Variants in SLC26A5 observed in about 807,000 individuals in gnomAD.
SLC26A5 encodes prestin.
In SLC26A5, 51 loss-of-function variants were observed where a neutral mutation model predicts 81.0. The ratio of observed to expected loss-of-function variants is 0.63; its 90% CI spans 0.50 to 0.80. The LOEUF is 0.80. Ranked by LOEUF, SLC26A5 falls within the 30% of genes least tolerant of loss-of-function variation. The probability of loss-of-function intolerance (pLI) is 0.00; values close to 1 mark genes in which losing one functional copy is unlikely to be tolerated. For synonymous variants in SLC26A5, 325 were observed against 332.8 expected (o/e 0.98, Z 0.25); for missense variants, 771 against 905.8 (o/e 0.85, Z 1.91).
chr7:103,431,168 A>T (rs924462461), intron 2 of SLC26A5, among the ~76,000 whole-genome samples: 3 of 152,232 alleles, frequency 2.0e-5, no homozygotes, highest in Non-Finnish European at 4.4e-5. Flanking sequence ...TGAAAGAAGA[A>T]GCTACTGGTT....
intron 14 of SLC26A5, among the ~76,000 whole-genome samples, chr7:103,382,910 T>C (rs939000033): frequency 6.6e-5 from 10 of 152,196 alleles, no homozygotes; most frequent in Admixed American, 5.9e-4. Context: ...GGTCTTTGAT[T>C]TGACATTCCA....
intron 2 of SLC26A5, among the ~76,000 whole-genome samples, chr7:103,436,396 A>G (rs903478994): frequency 7.9e-5 from 12 of 152,286 alleles, no homozygotes; most frequent in Non-Finnish European, 1.8e-4. Context: ...ATTTTGTTAC[A>G]TGCTTCACAT....
intron 19 of SLC26A5, 84 bp from the exon 20 acceptor site, chr7:103,374,676 GTTT>G: frequency 1.1e-6 from 1 of 877,910 alleles, no homozygotes; most frequent in Non-Finnish European, 1.6e-6. Context: ...TCCATATAGT[GTTT>G]TTTTTTTTGT....
At chr7:103,353,308 C>T (rs1305285142) in intron 19 of SLC26A5, among the ~76,000 whole-genome samples, 3 of 151,708 alleles carry the variant, frequency 2.0e-5, no homozygotes, top group African/African-American at 7.3e-5. Flanking sequence ...ATTGTATTTC[C>T]TTTTCTTTTT....
chr7:103,400,178 C>G (rs112871175), intron 8 of SLC26A5, among the ~76,000 whole-genome samples: 2,401 of 151,066 alleles, frequency 0.016, 48 homozygotes, highest in Non-Finnish European at 0.024. Flanking sequence ...CTAATTTACA[C>G]TCCCACCAAC....
Position 103,410,415 on chromosome 7 carries a change from CTTTGT to C in SLC26A5, c.700_704del (p.Thr234AlafsTer11). On this transcript the variant is annotated frameshift_variant, in exon 7 of 20. Transcript: ENST00000306312. LOFTEE classifies it high-confidence loss of function. The stretch of plus-strand genomic sequence containing the variant: ...CCACGGAAAAGATTCCACTGTACCG[CTTTGT>C]TTTAACTCCAAACAGATATTTTAAC... 2 of 1,614,118 alleles carry C rather than the reference CTTTGT, an allele frequency of 1.2e-6. No homozygotes were observed. The highest frequency in any genetic ancestry group is 2.2e-5 in the South Asian group (2 of 91,082).
In SLC26A5 at chr7:103,443,180, G is replaced by C. The variant is rs1827005134; in HGVS notation, c.-151C>G. The C allele has an allele frequency of 6.6e-6, 1 of 152,226 alleles. No homozygotes were observed. The highest frequency in any genetic ancestry group is 2.4e-5 in the African/African-American group (1 of 41,428). 9.4% of individuals were successfully genotyped at this position (152,226 alleles called of 1,614,324 possible). A position where few individuals can be genotyped will look rare whatever the true frequency, so the allele number is the denominator to read the frequency against. Reference sequence around the variant, plus strand: ...CTGAAGCCTTGATCACTGAGGCTGAGAGCAGGAGAAGGGAGAGCTCGCTCC... The same window carrying C: ...CTGAAGCCTTGATCACTGAGGCTGACAGCAGGAGAAGGGAGAGCTCGCTCC... On this transcript the variant is annotated 5_prime_UTR_variant, in exon 2 of 20. Coordinates refer to ENST00000306312, the MANE Select transcript of SLC26A5 (RefSeq NM_198999.3).
intron 2 of SLC26A5, among the ~76,000 whole-genome samples, chr7:103,434,509 A>G (rs1826306651): frequency 6.6e-6 from 1 of 151,874 alleles, no homozygotes; most frequent in South Asian, 2.1e-4. Flanking sequence ...TTAATTGTCA[A>G]TTTCTTACCT....
intron 7 of SLC26A5, among the ~76,000 whole-genome samples, chr7:103,409,909 T>G (rs111648751): frequency 8.5e-5 from 13 of 152,168 alleles, no homozygotes; most frequent in African/African-American, 3.1e-4. Flanking sequence ...GGGGTTTCAC[T>G]TGTTAGCCAG....
chr7:103,421,883 A>G (rs975094398), intron 2 of SLC26A5, among the ~76,000 whole-genome samples: 11 of 152,242 alleles, frequency 7.2e-5, no homozygotes, highest in African/African-American at 2.7e-4. Flanking sequence ...AATTAGGTCA[A>G]TTTTGACCAG....
At chr7:103,362,216 A>C in intron 19 of SLC26A5, 1 of 1,481,246 alleles carries the variant, frequency 6.8e-7, no homozygotes, top group Admixed American at 2.9e-5. Flanking sequence ...CTAGTAATGT[A>C]CTATAGTTGA....
rs761061429 is a variant in SLC26A5, at chr7:103,379,114, T to C, written c.1677+129A>G. On this transcript the variant is annotated intron_variant, in intron 16 of 19. Coordinates refer to ENST00000306312, the MANE Select transcript of SLC26A5 (RefSeq NM_198999.3). Reference sequence around the variant, plus strand: ...TAGTATATTTTATGTTATGTATATTTTACTACAATAAAAGAGAGAGAAACA... The same window carrying C: ...TAGTATATTTTATGTTATGTATATTCTACTACAATAAAAGAGAGAGAAACA... 4.0e-4 allele frequency: 287 copies of C among 714,106 alleles called. 2 individuals carry two copies. Among genetic ancestry groups the C allele is most frequent in the South Asian group, 1.2e-3 (73 of 63,058 alleles). The allele number at this position is 714,106 out of a possible 1,614,324, so 44.2% of individuals were successfully genotyped here. A position where few individuals can be genotyped will look rare whatever the true frequency, so the allele number is the denominator to read the frequency against.
chr7:103,363,678 GCA>G (rs1328060494), intron 19 of SLC26A5, among the ~76,000 whole-genome samples: 1 of 152,088 alleles, frequency 6.6e-6, no homozygotes, highest in Non-Finnish European at 1.5e-5. Context: ...GACAGAGGAG[GCA>G]CAGTGTAACC....
At chr7:103,371,444 C>G (rs1821031460), downstream of SLC26A5, among the ~76,000 whole-genome samples, 1 of 151,058 alleles carries the variant, frequency 6.6e-6, no homozygotes, top group South Asian at 2.1e-4. Flanking sequence ...CCTGCCTCAG[C>G]CTCCCGAGTA....
chr7:103,439,696 C>A (rs73175869), intron 2 of SLC26A5, among the ~76,000 whole-genome samples: 1 of 152,066 alleles, frequency 6.6e-6, no homozygotes, highest in Non-Finnish European at 1.5e-5. Context: ...ACCATGCCCA[C>A]CTAATTTTTG....
intron 11 of SLC26A5, among the ~76,000 whole-genome samples, chr7:103,390,865 C>CT (rs532219107): frequency 0.053 from 7,097 of 134,600 alleles, 272 homozygotes; most frequent in South Asian, 0.12. Flanking sequence ...TGGCCATTTA[C>CT]TTTTTTTTTT....
chr7:103,409,884 A>G (rs1824344948), intron 7 of SLC26A5, among the ~76,000 whole-genome samples: 2 of 151,608 alleles, frequency 1.3e-5, no homozygotes, highest in Middle Eastern at 3.2e-3. Flanking sequence ...ATTTTTTTCT[A>G]TTTTTAGTAG....
chr7:103,380,375 C>T, intron 15 of SLC26A5, 105 bp downstream of exon 15: 1 of 888,712 alleles, frequency 1.1e-6, no homozygotes, highest in Non-Finnish European at 1.9e-6. Context: ...ACTTTGACCA[C>T]TATACCTCCC....
Position 103,374,221 on chromosome 7 carries a change from A to G in SLC26A5, c.*178T>C, listed in dbSNP as rs1821177748. On this transcript the variant is annotated 3_prime_UTR_variant, in exon 20 of 20. Coordinates refer to ENST00000306312, the MANE Select transcript of SLC26A5 (RefSeq NM_198999.3). ...CAACAGGCCAATTTATCTTTGAAGT[A>G]TTCAATTAAAAAAACACAAGTACAA... The G allele has an allele frequency of 7.1e-7, 1 of 1,407,652 alleles. No individual in the cohort carries two copies. Among genetic ancestry groups the G allele is most frequent in the Non-Finnish European group, 9.2e-7 (1 of 1,085,658 alleles). The allele number at this position is 1,407,652 out of a possible 1,614,324, so 87.2% of individuals were successfully genotyped here. A position where few individuals can be genotyped will look rare whatever the true frequency, so the allele number is the denominator to read the frequency against.
Sources: allele counts gnomAD v4.1 joint callset (sites outside exome capture counted in the v4.1 genomes callset), GRCh38; gene constraint gnomAD v4.1.1; transcripts MANE v1.5; gene names NCBI Gene and HGNC (gene_info 2026-07-23, HGNC 2026-07-21).